NAA25: variants seen among roughly 807,000 people sequenced by gnomAD.
The protein encoded by NAA25 is N-alpha-acetyltransferase 25, NatB auxiliary subunit, also known as N-terminal acetyltransferase B complex subunit NAA25.
In NAA25, 30 loss-of-function variants were observed where a neutral mutation model predicts 132.5. The observed-to-expected ratio is 0.23, with a 90% CI of 0.17 to 0.31. The LOEUF is 0.31. Ranked by LOEUF, NAA25 falls within the 10% of genes least tolerant of loss-of-function variation. The pLI is 1.00. For missense variants in NAA25, 771 were observed against 1,150.4 expected (o/e 0.67, Z 4.77); for synonymous variants, 359 against 401.9 (o/e 0.89, Z 1.28).
chr12:112,050,263 G>A (rs757876365), intron 15 of NAA25, among the ~76,000 whole-genome samples: 4 of 152,118 alleles, frequency 2.6e-5, no homozygotes, highest in Middle Eastern at 3.2e-3. Flanking sequence ...GTAGTACTAC[G>A]TGAAGAAACA....
At chr12:112,033,901 T>C (rs1327997775) in intron 22 of NAA25, 1 of 151,900 alleles carries the variant, frequency 6.6e-6, no homozygotes, top group African/African-American at 2.4e-5. Flanking sequence ...ATAAGAAACT[T>C]GGACAAAGAA....
At chr12:112,070,554 G>C (rs975664020) in intron 10 of NAA25, among the ~76,000 whole-genome samples, 2 of 152,020 alleles carry the variant, frequency 1.3e-5, no homozygotes, top group African/African-American at 4.8e-5. Flanking sequence ...TATTGTTTTT[G>C]ACTGTTTTTA....
chr12:112,055,076 T>C (rs562252228), intron 13 of NAA25, among the ~76,000 whole-genome samples: 2 of 152,342 alleles, frequency 1.3e-5, no homozygotes, highest in East Asian at 3.9e-4. Context: ...AAAAGGTACA[T>C]GTATCTCTAG....
intron 16 of NAA25, 51 bp from the exon 17 acceptor site, chr12:112,047,841 A>T: frequency 6.6e-7 from 1 of 1,523,518 alleles, no homozygotes; most frequent in Non-Finnish European, 8.9e-7. Context: ...ATAGCCAGAA[A>T]ATATTATTAA....
At chr12:112,043,557 C>A (rs900725981) in intron 18 of NAA25, 68 bp downstream of exon 18, 3 of 1,561,406 alleles carry the variant, frequency 1.9e-6, no homozygotes, top group African/African-American at 2.7e-5. Context: ...CCACCCCAAA[C>A]TCCTGTTTAT....
intron 9 of NAA25, 67 bp from the exon 10 acceptor site, chr12:112,072,131 G>C: frequency 2.5e-6 from 3 of 1,193,058 alleles, no homozygotes; most frequent in East Asian, 3.0e-5. Flanking sequence ...TTAAAGTCAA[G>C]CCAAACTCAT....
intron 4 of NAA25, among the ~76,000 whole-genome samples, chr12:112,085,495 A>G (rs919209034): frequency 6.6e-6 from 1 of 152,164 alleles, no homozygotes. Flanking sequence ...GCTTGTCTCA[A>G]TTAACATATA....
intron 8 of NAA25, 115 bp from the exon 9 acceptor site, chr12:112,074,879 G>T: frequency 1.6e-6 from 1 of 638,038 alleles, no homozygotes; most frequent in Non-Finnish European, 2.7e-6. Context: ...GTAGTAGGTT[G>T]GCTTACCCCC....
chr12:112,063,513 C>T (rs763793701), intron 11 of NAA25, among the ~76,000 whole-genome samples: 7 of 152,198 alleles, frequency 4.6e-5, no homozygotes, highest in Non-Finnish European at 1.0e-4. Flanking sequence ...CCACCCTATA[C>T]TCCCAACCAT....
At chr12:112,104,041 C>T (rs986152346) in intron 1 of NAA25, among the ~76,000 whole-genome samples, 13 of 152,222 alleles carry the variant, frequency 8.5e-5, no homozygotes, top group Admixed American at 8.5e-4. Context: ...GTCAGGAACT[C>T]CTAAACTATG....
chr12:112,027,426 T>C lies in NAA25; in HGVS notation c.*2105A>G, dbSNP rs1028592961. The C allele has an allele frequency of 2.0e-5, 3 of 152,580 alleles. No homozygotes were observed. The highest frequency in any genetic ancestry group is 6.5e-5 in the Admixed American group (1 of 15,268). The allele number at this position is 152,580 out of a possible 1,614,324, so 9.5% of individuals were successfully genotyped here. The stretch of plus-strand genomic sequence containing the variant: ...CTGCATAATTTCATTCTTTTTACAA[T>C]TATCTCAAAATGTGAAAGCTGGATC... On this transcript the variant is annotated 3_prime_UTR_variant, in exon 24 of 24. Transcript: ENST00000261745.
At position 112,033,286 on chromosome 12, in the gene NAA25, G is replaced by T. The variant is rs12298022; in HGVS notation, c.2743C>A (p.Leu915Ile). 133,047 of 1,612,044 alleles carry T rather than the reference G, an allele frequency of 0.083. 7,437 individuals are homozygous for T. Among genetic ancestry groups the T allele is most frequent in the African/African-American group, 0.28 (21,028 of 74,866 alleles). Residue 915 changes from leucine to isoleucine, a missense_variant, in exon 23 of 24, where the codon CTA becomes ATA. By Grantham distance (5) the Leu-to-Ile change is conservative (BLOSUM62 2). Around this residue, in one of 3 missense-constraint regions of NAA25, gnomAD observed 324 missense variants for 400.0 expected, o/e 0.81. Transcript: ENST00000261745. ...VDHIKGLETH[L>I]IALKLEELIL... ...AGTTCTTCAAGTTTAAGTGCAATTA[G>T]ATGTGTTTCAAGCCCTTTAATATGA...
rs377649108 is a variant in NAA25, at chr12:112,043,864, C to T, written c.2011G>A (p.Val671Ile). The T allele has an allele frequency of 1.2e-5, 19 of 1,611,710 alleles. No homozygotes were observed. Among genetic ancestry groups the T allele is most frequent in the Middle Eastern group, 1.6e-4 (1 of 6,082 alleles). Residue 671 changes from valine (V) to isoleucine (I), a missense_variant, in exon 18 of 24, where the codon GTT (valine) becomes ATT (isoleucine). By Grantham distance (29) the Val-to-Ile change is conservative. Transcript: ENST00000261745. ...FFSWDPKDRD[V>I]SEEHKKLSLE... ...GAAAGTTTCTTATGTTCTTCAGAAA[C>T]GTCCCTTAAACAGAAACATCCCCAA...
chr12:112,055,040 T>G (rs1210007733), intron 13 of NAA25, among the ~76,000 whole-genome samples: 5 of 152,246 alleles, frequency 3.3e-5, no homozygotes, highest in African/African-American at 1.2e-4. Flanking sequence ...ACTAAAATGA[T>G]ACTTTTTTTG....
In NAA25 at chr12:112,049,562, G is replaced by A. The variant is rs1197790791; in HGVS notation, c.1729-1119C>T. The A allele has an allele frequency of 2.0e-6, 2 of 985,694 alleles. No homozygotes were observed. Among genetic ancestry groups the A allele is most frequent in the Admixed American group, 6.2e-5 (1 of 16,256 alleles). 61.1% of individuals were successfully genotyped at this position (985,694 alleles called of 1,614,324 possible). On this transcript the variant is annotated intron_variant, in intron 15 of 23. Transcript: ENST00000261745. This position sits in a 1 kb window ranked among gnomAD's most constrained non-coding sequence, Gnocchi z 4.7. ...GCGCTAATTCAACTGCATTCGATGC[G>A]GCTTTTAAACCCCCATGGGACACCT...
chr12:112,101,200 T>C (rs2079290408), intron 1 of NAA25, among the ~76,000 whole-genome samples: 1 of 152,152 alleles, frequency 6.6e-6, no homozygotes, highest in Non-Finnish European at 1.5e-5. Flanking sequence ...CAAATGCCCC[T>C]ATTGTATGCT....
chr12:112,050,719 T>G (rs576737140), intron 15 of NAA25, among the ~76,000 whole-genome samples: 2 of 152,184 alleles, frequency 1.3e-5, no homozygotes, highest in South Asian at 4.2e-4. Flanking sequence ...AAAGGGAAAT[T>G]TTTAAGAAGT....
At chr12:112,091,187 G>A (rs1163105490) in intron 2 of NAA25, among the ~76,000 whole-genome samples, 6 of 151,774 alleles carry the variant, frequency 4.0e-5, no homozygotes, top group Non-Finnish European at 8.8e-5. Flanking sequence ...CCTCGAGCCC[G>A]GGAGGTTGAT....
At position 112,075,730 on chromosome 12, in the gene NAA25, G is replaced by C; in HGVS notation, c.724C>G (p.Leu242Val). 2 of 1,613,970 alleles carry C rather than the reference G, an allele frequency of 1.2e-6. No homozygotes were observed. The highest frequency in any genetic ancestry group is 1.7e-6 in the Non-Finnish European group (2 of 1,179,898). The change falls in exon 8 of 24, where the codon CTG (leucine) becomes GTG (valine). Residue 242 changes from leucine to valine, a missense_variant. By Grantham distance (32) the Leu-to-Val change is conservative (BLOSUM62 1). Transcript: ENST00000261745. ...GCATTGCACTCTGGCCACCTGCTCAGCTTCTTGTACATAGCCATGCATTTA... is the reference window on the plus strand; with the variant it reads ...GCATTGCACTCTGGCCACCTGCTCACCTTCTTGTACATAGCCATGCATTTA... ...ENKCMAMYKK[L>V]SRWPECNALS...
Sources: allele counts gnomAD v4.1 joint callset (sites outside exome capture counted in the v4.1 genomes callset), GRCh38; gene constraint gnomAD v4.1.1; regional missense constraint gnomAD v4.1.1; non-coding constraint Gnocchi (gnomAD v3.1); transcripts MANE v1.5; gene names NCBI Gene and HGNC (gene_info 2026-07-23, HGNC 2026-07-21).